Variants in MAN1A2 observed in about 807,000 individuals in gnomAD.
MAN1A2 encodes mannosyl-oligosaccharide 1,2-alpha-mannosidase IB.
Under a neutral mutation model 75.7 loss-of-function variants are expected in MAN1A2, and 26 were observed. The observed-to-expected ratio is 0.34, with a 90% confidence interval of 0.25 to 0.48. MAN1A2 has a LOEUF of 0.48. MAN1A2 is among the 20% of genes least tolerant of loss of function. The pLI is 0.99. For synonymous variants in MAN1A2, 247 were observed against 264.6 expected (o/e 0.93, Z 0.65); for missense variants, 562 against 775.5 (o/e 0.72, Z 3.27).
intron 8 of MAN1A2, among the ~76,000 whole-genome samples, chr1:117,486,383 TAAG>T (rs1366741362): frequency 2.6e-5 from 4 of 151,918 alleles, no homozygotes; most frequent in African/African-American, 7.2e-5. Flanking sequence ...TTCTCTATAA[TAAG>T]GAGAACATTT....
chr1:117,481,278 A>T (rs949399128), intron 8 of MAN1A2, among the ~76,000 whole-genome samples: 8 of 151,778 alleles, frequency 5.3e-5, no homozygotes, highest in African/African-American at 1.7e-4. Flanking sequence ...TCCTTCTGGC[A>T]AATATTCTGT....
At chr1:117,481,602 G>A (rs1412065142) in intron 8 of MAN1A2, among the ~76,000 whole-genome samples, 1 of 151,956 alleles carries the variant, frequency 6.6e-6, no homozygotes, top group East Asian at 1.9e-4. Context: ...ATCTGGGTTT[G>A]TTCATGTGTC....
At position 117,487,628 on chromosome 1, in the gene MAN1A2, AAT is replaced by A. The variant is rs200488699; in HGVS notation, c.1169-5517_1169-5516del. 4.1e-4 allele frequency among the ~76,000 whole-genome samples: 63 copies of A among 152,186 alleles called. No individual in the cohort carries two copies. The East Asian group carries it at 9.3e-3, about 23-fold the overall frequency. ...TCAAGACATTTTAACATAACCGCAA[AAT>A]AGATGTTGTAATATTGATGGGAATA... On this transcript the variant is annotated intron_variant, in intron 8 of 12. Transcript: ENST00000356554.
At chr1:117,459,251 T>G (rs1649732762) in intron 6 of MAN1A2, among the ~76,000 whole-genome samples, 1 of 152,070 alleles carries the variant, frequency 6.6e-6, no homozygotes, top group South Asian at 2.1e-4. Flanking sequence ...AGAAAGAAAT[T>G]GCAGAGGAAA....
intron 5 of MAN1A2, 133 bp downstream of exon 5, chr1:117,420,782 A>C: frequency 1.6e-6 from 1 of 636,518 alleles, no homozygotes; most frequent in Non-Finnish European, 2.8e-6. Flanking sequence ...TGGTTGCTTC[A>C]GGCAGAACTA....
At chr1:117,383,249 T>C (rs1468891848) in intron 1 of MAN1A2, among the ~76,000 whole-genome samples, 1 of 149,236 alleles carries the variant, frequency 6.7e-6, no homozygotes, top group Non-Finnish European at 1.5e-5. Context: ...TCTATTAATG[T>C]GATATGTTAC....
At chr1:117,498,542 A>T (rs940528446) in intron 10 of MAN1A2, among the ~76,000 whole-genome samples, 6 of 151,786 alleles carry the variant, frequency 4.0e-5, no homozygotes, top group African/African-American at 1.5e-4. Flanking sequence ...GTTTGAAAGG[A>T]TTTCCTTATA....
At chr1:117,424,324 C>G (rs1648297087) in intron 5 of MAN1A2, among the ~76,000 whole-genome samples, 1 of 152,152 alleles carries the variant, frequency 6.6e-6, no homozygotes, top group Non-Finnish European at 1.5e-5. Flanking sequence ...GCATCCTTGC[C>G]TGGTTCCTGA....
At chr1:117,396,359 A>G (rs1361265281) in intron 1 of MAN1A2, among the ~76,000 whole-genome samples, 1 of 152,238 alleles carries the variant, frequency 6.6e-6, no homozygotes, top group Non-Finnish European at 1.5e-5. Flanking sequence ...TCTTTGGACA[A>G]GGCCAAATTC....
chr1:117,431,465 A>T (rs1020325702), intron 5 of MAN1A2, among the ~76,000 whole-genome samples: 1 of 152,108 alleles, frequency 6.6e-6, no homozygotes, highest in Non-Finnish European at 1.5e-5. Flanking sequence ...GCAGACAGAA[A>T]ATCAAAGATG....
Position 117,373,484 on chromosome 1 carries a change from G to GTT in MAN1A2, c.302+5016_302+5017dup, listed in dbSNP as rs34482916. On this transcript the variant is annotated intron_variant, in intron 1 of 12. Coordinates refer to ENST00000356554, the MANE Select transcript of MAN1A2 (RefSeq NM_006699.5). ...TGGTGTAGATGCCTTTGCTGCATTT[G>GTT]TTTTTTTTTTTTTTTTTTGGGTACA... Among the ~76,000 whole-genome samples the GTT allele has an allele frequency of 3.4e-3, 389 of 113,326 alleles. 5 individuals are homozygous for GTT. Among genetic ancestry groups the GTT allele is most frequent in the African/African-American group, 7.2e-3 (223 of 30,934 alleles). 74.3% of individuals were successfully genotyped at this position (113,326 alleles called of 152,430 possible).
intron 12 of MAN1A2, among the ~76,000 whole-genome samples, chr1:117,511,252 C>G (rs745553870): frequency 5.3e-5 from 8 of 152,064 alleles, no homozygotes; most frequent in African/African-American, 1.9e-4. Context: ...ATCCCTCCCT[C>G]TACATATGGG....
intron 5 of MAN1A2, among the ~76,000 whole-genome samples, chr1:117,428,781 TTTC>T (rs1452528889): frequency 9.4e-5 from 11 of 117,548 alleles, no homozygotes; most frequent in Admixed American, 1.8e-4. Context: ...AGAGGAGACC[TTTC>T]TTTTTTTTTT....
At chr1:117,511,677 T>C (rs559104624) in intron 12 of MAN1A2, among the ~76,000 whole-genome samples, 1 of 152,248 alleles carries the variant, frequency 6.6e-6, no homozygotes, top group East Asian at 1.9e-4. Context: ...CTGATCCCTC[T>C]TTAGTTTTTA....
At chr1:117,413,785 T>C (rs77850270) in intron 3 of MAN1A2, among the ~76,000 whole-genome samples, 1 of 152,124 alleles carries the variant, frequency 6.6e-6, no homozygotes, top group East Asian at 1.9e-4. Context: ...TGCATTTTCA[T>C]AGGACACAAA....
At chr1:117,500,705 GAT>G (rs1651173170) in intron 11 of MAN1A2, among the ~76,000 whole-genome samples, 2 of 151,818 alleles carry the variant, frequency 1.3e-5, no homozygotes, top group African/African-American at 4.8e-5. Flanking sequence ...AGCATTTATT[GAT>G]GCTGCTTTTC....
At chr1:117,400,916 A>G (rs1005681692) in intron 1 of MAN1A2, among the ~76,000 whole-genome samples, 2 of 152,182 alleles carry the variant, frequency 1.3e-5, no homozygotes, top group African/African-American at 4.8e-5. Flanking sequence ...GTAGCATTAA[A>G]TACATTCATA....
chr1:117,438,481 TTA>T (rs202230539), intron 5 of MAN1A2, among the ~76,000 whole-genome samples: 3 of 152,150 alleles, frequency 2.0e-5, no homozygotes, highest in East Asian at 3.8e-4. Flanking sequence ...AAAAAATAAA[TTA>T]GTGTAGCCTA....
intron 1 of MAN1A2, among the ~76,000 whole-genome samples, chr1:117,398,529 C>A (rs888837261): frequency 6.6e-6 from 1 of 152,028 alleles, no homozygotes; most frequent in Non-Finnish European, 1.5e-5. Flanking sequence ...AAAAAATTAG[C>A]CAGGCGTGGT....
Sources: allele counts gnomAD v4.1 joint callset (sites outside exome capture counted in the v4.1 genomes callset), GRCh38; gene constraint gnomAD v4.1.1; transcripts MANE v1.5; gene names NCBI Gene and HGNC (gene_info 2026-07-23, HGNC 2026-07-21).